HNF4G: variants seen among roughly 807,000 people sequenced by gnomAD.
HNF4G encodes the protein hepatocyte nuclear factor 4-gamma.
A neutral mutation model predicts 50.9 loss-of-function variants in HNF4G; 21 were observed. The observed-to-expected ratio is 0.41, with a 90% confidence interval of 0.29 to 0.59. HNF4G has a LOEUF of 0.59. HNF4G is among the 20% of genes least tolerant of loss of function. The pLI is 0.26. For missense variants in HNF4G, 527 were observed against 559.4 expected (o/e 0.94, Z 0.58); for synonymous variants, 198 against 185.6 (o/e 1.07, Z -0.54).
intron 2 of HNF4G, among the ~76,000 whole-genome samples, chr8:75,530,667 G>A (rs1295245783): frequency 1.3e-5 from 2 of 152,060 alleles, no homozygotes; most frequent in Non-Finnish European, 2.9e-5. Flanking sequence ...TCCCTATGGA[G>A]ATCTAAATTA....
rs1012899850 is a variant in HNF4G, at chr8:75,564,554, A to G, written c.*458A>G. The stretch of plus-strand genomic sequence containing the variant: ...TTATAAACTTGGAGATTAGAAAAAT[A>G]AAGCAGTTGCTGTAGAATAGGCTGT... On this transcript the variant is annotated 3_prime_UTR_variant, in exon 10 of 10. Coordinates refer to ENST00000396423, the MANE Select transcript of HNF4G (RefSeq NM_004133.5). 1 of 153,254 alleles carries G rather than the reference A, an allele frequency of 6.5e-6. No homozygotes were observed. Among genetic ancestry groups the G allele is most frequent in the Non-Finnish European group, 1.5e-5 (1 of 68,806 alleles). 9.5% of individuals were successfully genotyped at this position (153,254 alleles called of 1,614,324 possible).
chr8:75,516,257 AT>A (rs1805885934), intron 2 of HNF4G, among the ~76,000 whole-genome samples: 1 of 152,200 alleles, frequency 6.6e-6, no homozygotes, highest in African/African-American at 2.4e-5. Context: ...TTAACCCAGA[AT>A]TTAAAAATGT....
At chr8:75,426,331 G>T (rs1810890338) in intron 1 of HNF4G, among the ~76,000 whole-genome samples, 1 of 152,054 alleles carries the variant, frequency 6.6e-6, no homozygotes, top group Non-Finnish European at 1.5e-5. Context: ...ACTTCCTCTA[G>T]ACTTATCGTA....
At chr8:75,477,284 T>G (rs1812262340) in intron 1 of HNF4G, among the ~76,000 whole-genome samples, 1 of 152,210 alleles carries the variant, frequency 6.6e-6, no homozygotes, top group Non-Finnish European at 1.5e-5. Flanking sequence ...GATTCTTAGG[T>G]TAATTTTTTT....
At chr8:75,455,592 GTAAT>G (rs1176988554) in intron 1 of HNF4G, among the ~76,000 whole-genome samples, 1 of 152,062 alleles carries the variant, frequency 6.6e-6, no homozygotes, top group African/African-American at 2.4e-5. Context: ...AAATGTGTGA[GTAAT>G]TAAGAAAATG....
At chr8:75,508,550 CCT>C (rs1563534033) in intron 2 of HNF4G, among the ~76,000 whole-genome samples, 1 of 152,072 alleles carries the variant, frequency 6.6e-6, no homozygotes, top group Non-Finnish European at 1.5e-5. Flanking sequence ...GCTATTGAAA[CCT>C]CGTTTTTTCA....
chr8:75,483,367 C>CTGCATCTT (rs2130662795), intron 1 of HNF4G, among the ~76,000 whole-genome samples: 2 of 151,854 alleles, frequency 1.3e-5, no homozygotes, highest in Non-Finnish European at 2.9e-5. Flanking sequence ...GACTGCATTT[C>CTGCATCTT]TCTGCATCTT....
At chr8:75,433,271 G>T (rs1222559908) in intron 1 of HNF4G, among the ~76,000 whole-genome samples, 1 of 152,012 alleles carries the variant, frequency 6.6e-6, no homozygotes, top group African/African-American at 2.4e-5. Context: ...AGCCAGGCAT[G>T]GTGATGTGCA....
intron 1 of HNF4G, among the ~76,000 whole-genome samples, chr8:75,482,449 C>T (rs1812402857): frequency 6.6e-6 from 1 of 152,112 alleles, no homozygotes. Context: ...TCACTGCAAC[C>T]TCCGCCTCCC....
At chr8:75,460,289 A>T (rs1338191760) in intron 1 of HNF4G, among the ~76,000 whole-genome samples, 1 of 152,166 alleles carries the variant, frequency 6.6e-6, no homozygotes, top group African/African-American at 2.4e-5. Flanking sequence ...GTGTGATGAC[A>T]TTTATGTACT....
At chr8:75,432,897 G>T (rs965581024) in intron 1 of HNF4G, among the ~76,000 whole-genome samples, 6 of 152,162 alleles carry the variant, frequency 3.9e-5, no homozygotes, top group Non-Finnish European at 1.5e-5. Flanking sequence ...CATTTAGACA[G>T]TTCTGGGGAA....
At chr8:75,479,610 T>C (rs1812325002) in intron 1 of HNF4G, among the ~76,000 whole-genome samples, 1 of 151,710 alleles carries the variant, frequency 6.6e-6, no homozygotes, top group South Asian at 2.1e-4. Context: ...GTGTCTCTTA[T>C]ATAAAGAAAT....
At chr8:75,511,836 C>T (rs1159606002) in intron 2 of HNF4G, among the ~76,000 whole-genome samples, 1 of 152,222 alleles carries the variant, frequency 6.6e-6, no homozygotes, top group East Asian at 1.9e-4. Context: ...CCTCGGCCTC[C>T]CAGAGTGCTG....
At chr8:75,496,680 A>G (rs751573044) in intron 2 of HNF4G, among the ~76,000 whole-genome samples, 31 of 152,104 alleles carry the variant, frequency 2.0e-4, no homozygotes, top group Non-Finnish European at 2.5e-4. Flanking sequence ...AGGAGCTCCT[A>G]TAATATTTGG....
At chr8:75,449,785 G>C (rs182302979) in intron 1 of HNF4G, among the ~76,000 whole-genome samples, 70 of 152,226 alleles carry the variant, frequency 4.6e-4, no homozygotes, top group African/African-American at 1.7e-3. Context: ...GGGATTACAG[G>C]CATGAGCCAC....
intron 1 of HNF4G, among the ~76,000 whole-genome samples, chr8:75,413,730 G>T (rs1210862973): frequency 6.6e-6 from 1 of 151,952 alleles, no homozygotes; most frequent in East Asian, 1.9e-4. Context: ...GGTGGCGGGC[G>T]CCTGTAAGCT....
At chr8:75,417,850 T>C (rs1810678562) in intron 1 of HNF4G, among the ~76,000 whole-genome samples, 1 of 152,144 alleles carries the variant, frequency 6.6e-6, no homozygotes, top group South Asian at 2.1e-4. Context: ...ATAAAAATGA[T>C]AATAGTCACA....
chr8:75,485,238 T>A (rs965560618), intron 1 of HNF4G, among the ~76,000 whole-genome samples: 4 of 152,324 alleles, frequency 2.6e-5, no homozygotes, highest in Admixed American at 1.3e-4. Context: ...CAAGTACTTA[T>A]CATTTTCTAT....
At chr8:75,562,585 A>T (rs1489324236) in intron 9 of HNF4G, among the ~76,000 whole-genome samples, 1 of 152,182 alleles carries the variant, frequency 6.6e-6, no homozygotes, top group Non-Finnish European at 1.5e-5. Flanking sequence ...CACAATAAAC[A>T]TTGTAGGAAT....
Sources: gnomAD v4.1 joint callset for allele counts (sites outside exome capture counted in the v4.1 genomes callset) on GRCh38, gnomAD v4.1.1 for gene constraint, MANE v1.5 for transcripts, NCBI Gene and HGNC (gene_info 2026-07-23, HGNC 2026-07-21) for gene names.